The following IMPA2 variants were observed in gnomAD, a reference collection of about 807,000 sequenced individuals.
IMPA2 encodes inositol monophosphatase 2.
IMPA2 carries 32 observed loss-of-function variants against 35.1 expected under a neutral mutation model. That is an observed-to-expected ratio of 0.91 (90% CI 0.69 to 1.23). IMPA2 has a LOEUF of 1.23. Ranked by LOEUF, IMPA2 falls within the 50% of genes most tolerant of loss-of-function variation. The pLI is 0.00. For missense variants in IMPA2, 334 were observed against 387.6 expected (o/e 0.86, Z 1.16); for synonymous variants, 135 against 160.6 (o/e 0.84, Z 1.20).
chr18:11,989,634 G>C (rs903658013), intron 1 of IMPA2, among the ~76,000 whole-genome samples: 4 of 152,326 alleles, frequency 2.6e-5, no homozygotes, highest in East Asian at 3.9e-4. Flanking sequence ...TCAGAAGAAG[G>C]GGGAGGGCAG....
In IMPA2 at chr18:11,991,953, C is replaced by G. The variant is rs1468067309; in HGVS notation, c.97-7101C>G. ...CCACCTCCTGGGCTCACGCGTTTCT[C>G]CTACCTCAGCCCCCTGAGTAGCTGG... On this transcript the variant is annotated intron_variant, in intron 1 of 7. Transcript: ENST00000269159. The surrounding 1 kb of genome is among the most constrained non-coding windows in gnomAD (Gnocchi z 4.1). Among the ~76,000 whole-genome samples the G allele has an allele frequency of 6.6e-6, 1 of 152,004 alleles. No homozygotes were observed. The highest frequency in any genetic ancestry group is 2.4e-5 in the African/African-American group (1 of 41,384).
chr18:11,997,475 C>T (rs1906992405), intron 1 of IMPA2, among the ~76,000 whole-genome samples: 1 of 148,582 alleles, frequency 6.7e-6, no homozygotes, highest in Non-Finnish European at 1.5e-5. Context: ...TTTTCTATAA[C>T]ATATATCTGT....
In IMPA2 at chr18:12,014,170, G is replaced by C. The variant is rs537855950; in HGVS notation, c.382-95G>C. Reference sequence around the variant, plus strand: ...TCACAGTGTAATGTGTTATCCTAACGCCTAGCGCAGCCTTCATCTTTGAAT... The same window carrying C: ...TCACAGTGTAATGTGTTATCCTAACCCCTAGCGCAGCCTTCATCTTTGAAT... On this transcript the variant is annotated intron_variant, in intron 4 of 7. Coordinates refer to ENST00000269159, the MANE Select transcript of IMPA2 (RefSeq NM_014214.3). 7.2e-6 allele frequency: 6 copies of C among 834,882 alleles called. No individual in the cohort carries two copies. In the South Asian group the frequency reaches 8.5e-5, roughly 12 times the overall value. 51.7% of individuals were successfully genotyped at this position (834,882 alleles called of 1,614,324 possible).
intron 5 of IMPA2, among the ~76,000 whole-genome samples, chr18:12,024,663 C>T (rs117291164): frequency 0.014 from 2,059 of 152,172 alleles, 14 homozygotes; most frequent in Admixed American, 0.02. Flanking sequence ...TGCAAGCCAT[C>T]CCATTTTTTT....
At chr18:12,018,922 C>T (rs920810408) in intron 5 of IMPA2, among the ~76,000 whole-genome samples, 2 of 151,882 alleles carry the variant, frequency 1.3e-5, no homozygotes, top group Admixed American at 6.6e-5. Context: ...CTCCAGGGCC[C>T]GAATGATCCT....
intron 1 of IMPA2, among the ~76,000 whole-genome samples, chr18:11,983,193 C>CTTA (rs1906556328): frequency 4.6e-5 from 7 of 152,136 alleles, no homozygotes; most frequent in Admixed American, 2.0e-4. Flanking sequence ...AAAGGAGGAC[C>CTTA]CTAAACCTTC....
At chr18:12,029,108 GTTTT>G (rs1158665365) in intron 7 of IMPA2, 115 bp downstream of exon 7, 2,933 of 264,934 alleles carry the variant, frequency 0.011, no homozygotes, top group East Asian at 0.029. Context: ...CAGAGTTTCT[GTTTT>G]TTTTTTTTTT....
intron 1 of IMPA2, among the ~76,000 whole-genome samples, chr18:11,988,001 C>CT (rs71172043): frequency 0.71 from 71,622 of 100,506 alleles, 27,230 homozygotes; most frequent in Non-Finnish European, 0.82. Flanking sequence ...TGTTTATTGG[C>CT]TTTTTTTTTT....
intron 7 of IMPA2, among the ~76,000 whole-genome samples, chr18:12,029,457 C>T (rs1907985595): frequency 1.4e-5 from 2 of 147,614 alleles, no homozygotes; most frequent in Admixed American, 6.8e-5. Flanking sequence ...GAGTTTCACT[C>T]GTCACCCAGG....
Position 11,984,213 on chromosome 18 carries a change from G to A in IMPA2, c.96+2448G>A, listed in dbSNP as rs140732673. ...TGCCCCAGTTCTGGCAGGCTTCCCT[G>A]TCCCAGGCTCCCAATTCCCTCACCT... On this transcript the variant is annotated intron_variant, in intron 1 of 7. Transcript: ENST00000269159. Among the ~76,000 whole-genome samples, 1,138 of 152,274 alleles carry A rather than the reference G, an allele frequency of 7.5e-3. 19 individuals carry two copies. Among genetic ancestry groups the A allele is most frequent in the African/African-American group, 0.025 (1,031 of 41,556 alleles).
intron 1 of IMPA2, among the ~76,000 whole-genome samples, 199 bp downstream of exon 1, chr18:11,981,964 G>C (rs1004108941): frequency 1.3e-5 from 2 of 151,998 alleles, no homozygotes; most frequent in African/African-American, 4.8e-5. Context: ...TCCAACTCCC[G>C]GAGCCCTGGC....
chr18:11,981,739 G>C lies in IMPA2; in HGVS notation c.70G>C (p.Val24Leu), dbSNP rs888332452. ...GPWEECFQAA[V>L]QLALRAGQII... ...CTGGGAGGAGTGCTTCCAGGCGGCCGTGCAGCTGGCGCTGCGGGCAGGACA... is the reference window on the plus strand; with the variant it reads ...CTGGGAGGAGTGCTTCCAGGCGGCCCTGCAGCTGGCGCTGCGGGCAGGACA... Residue 24 changes from valine (V) to leucine (L), a missense_variant, in exon 1 of 8, where the codon GTG (valine) becomes CTG (leucine). Coordinates refer to ENST00000269159, the MANE Select transcript of IMPA2 (RefSeq NM_014214.3). 2.4e-6 allele frequency: 3 copies of C among 1,229,312 alleles called. No individual in the cohort carries two copies. The African/African-American group carries it at 4.7e-5, about 19-fold the overall frequency. The allele number at this position is 1,229,312 out of a possible 1,614,324, so 76.2% of individuals were successfully genotyped here. A position where few individuals can be genotyped will look rare whatever the true frequency, so the allele number is the denominator to read the frequency against.
chr18:11,994,357 C>T (rs1038221314), intron 1 of IMPA2: 11 of 152,282 alleles, frequency 7.2e-5, no homozygotes. Flanking sequence ...TCTGGGGCAA[C>T]AGAGAGAGAC....
At chr18:11,996,038 A>G (rs1906950402) in intron 1 of IMPA2, among the ~76,000 whole-genome samples, 1 of 152,142 alleles carries the variant, frequency 6.6e-6, no homozygotes, top group Non-Finnish European at 1.5e-5. Context: ...GACGAAGGGA[A>G]GTAGAAAGAG....
At chr18:12,028,443 G>C in intron 6 of IMPA2, 1 of 459,840 alleles carries the variant, frequency 2.2e-6, no homozygotes, top group Non-Finnish European at 3.9e-6. Context: ...TCCTTCCCGA[G>C]GGGGCCTGGC....
intron 2 of IMPA2, among the ~76,000 whole-genome samples, chr18:11,999,399 C>T (rs1368823835): frequency 2.0e-5 from 3 of 152,246 alleles, no homozygotes; most frequent in South Asian, 2.1e-4. Flanking sequence ...ACAACCATCA[C>T]GTCAATGCAT....
chr18:12,022,683 G>T (rs917196016), intron 5 of IMPA2, among the ~76,000 whole-genome samples: 1 of 150,870 alleles, frequency 6.6e-6, no homozygotes, highest in African/African-American at 2.4e-5. Flanking sequence ...TTAAGTAGGG[G>T]TTGTCATAAG....
At chr18:12,021,381 C>CCAGG (rs201299360) in intron 5 of IMPA2, among the ~76,000 whole-genome samples, 5,953 of 152,156 alleles carry the variant, frequency 0.039, 279 homozygotes, top group African/African-American at 0.11. Flanking sequence ...AGAGCAAGAC[C>CCAGG]CTGTCTCAGA....
chr18:12,026,948 T>C (rs761146807), intron 5 of IMPA2, among the ~76,000 whole-genome samples: 2 of 152,112 alleles, frequency 1.3e-5, no homozygotes, highest in Admixed American at 6.5e-5. Context: ...CAGAAAGTGC[T>C]TTAAGGTGTA....
Sources: gnomAD v4.1 joint callset for allele counts (sites outside exome capture counted in the v4.1 genomes callset) on GRCh38, gnomAD v4.1.1 for gene constraint, Gnocchi (gnomAD v3.1) non-coding constraint, MANE v1.5 for transcripts, NCBI Gene and HGNC (gene_info 2026-07-23, HGNC 2026-07-21) for gene names.